NFYA: variants seen among roughly 807,000 people sequenced by gnomAD.
NFYA encodes CAAT-box DNA binding protein subunit A.
In NFYA, 28 loss-of-function variants were observed where a neutral mutation model predicts 52.8. That is an observed-to-expected ratio of 0.53 (90% CI 0.39 to 0.73). The LOEUF (loss-of-function observed/expected upper bound fraction) is 0.73. NFYA is among the 30% of genes least tolerant of loss of function. The pLI, the probability that NFYA is intolerant of heterozygous loss-of-function variation, is 0.00. For missense variants in NFYA, 234 were observed against 427.0 expected, an observed-to-expected ratio of 0.55 and a Z score of 3.98; for synonymous variants, 150 against 150.7, an observed-to-expected ratio of 1.00 and a Z score of 0.03.
Position 41,090,225 on chromosome 6 carries a change from C to G in NFYA, c.463C>G (p.Gln155Glu), listed in dbSNP as rs1764163714. Reference protein sequence around the residue: ...QTQTQQQIAVQGQQVAQTAEG... With the variant: ...QTQTQQQIAVEGQQVAQTAEG... ...CCAGACACAGCAGCAGATTGCTGTC[C>G]AGGGACAGCAAGTGGCACAGACTGC... Residue 155 changes from glutamine to glutamate, a missense_variant, in exon 6 of 10, where the codon CAG becomes GAG. Gln to Glu is a conservative substitution (Grantham distance 29, BLOSUM62 2). Around this residue, in one of 3 missense-constraint regions of NFYA, gnomAD observed 118 missense variants for 182.4 expected, o/e 0.65. Transcript: ENST00000341376. 1 of 1,613,334 alleles carries G rather than the reference C, an allele frequency of 6.2e-7. No individual in the cohort carries two copies. Among genetic ancestry groups the G allele is most frequent in the Non-Finnish European group, 8.5e-7 (1 of 1,179,466 alleles).
At chr6:41,076,253 A>C (rs1360321172) in intron 1 of NFYA, among the ~76,000 whole-genome samples, 1 of 152,174 alleles carries the variant, frequency 6.6e-6, no homozygotes, top group East Asian at 1.9e-4. Context: ...TAAAAGAAAA[A>C]AAAGAATAGA....
At chr6:41,083,564 T>G (rs1406230251) in intron 3 of NFYA, among the ~76,000 whole-genome samples, 2 of 152,200 alleles carry the variant, frequency 1.3e-5, no homozygotes, top group Non-Finnish European at 2.9e-5. Context: ...CAGAGCTGCT[T>G]GCTACCCAGC....
intron 8 of NFYA, among the ~76,000 whole-genome samples, chr6:41,093,423 T>G (rs1764247999): frequency 6.6e-6 from 1 of 152,104 alleles, no homozygotes; most frequent in Non-Finnish European, 1.5e-5. Context: ...CCAAGATTCC[T>G]GCTTAGGCTC....
At chr6:41,095,937 T>C (rs928401275) in intron 9 of NFYA, among the ~76,000 whole-genome samples, 4 of 152,202 alleles carry the variant, frequency 2.6e-5, no homozygotes, top group African/African-American at 9.7e-5. Context: ...AAGCAATCAG[T>C]GTTTCTTGAA....
chr6:41,081,337 A>G (rs910371662), intron 3 of NFYA, among the ~76,000 whole-genome samples: 1 of 152,122 alleles, frequency 6.6e-6, no homozygotes, highest in East Asian at 1.9e-4. Flanking sequence ...AAAATACAAA[A>G]AAATTAGCCG....
chr6:41,092,612 T>C (rs1282466542), intron 7 of NFYA, among the ~76,000 whole-genome samples: 1 of 152,224 alleles, frequency 6.6e-6, no homozygotes, highest in Non-Finnish European at 1.5e-5. Context: ...TTATGACTAC[T>C]GTTCCTGACC....
rs931685235 is a variant in NFYA at position 41,078,918 on chromosome 6, C to A, written c.-61-111C>A. The A allele has an allele frequency of 5.3e-5, 29 of 551,706 alleles. No individual in the cohort carries two copies. The Admixed American group carries it at 8.4e-4, about 16-fold the overall frequency. The allele number at this position is 551,706 out of a possible 1,614,324, so 34.2% of individuals were successfully genotyped here. ...CTGAATATAAGCATTTCCTATTCTC[C>A]TATCCTGTTTTCTTGCAAATAAAGT... On this transcript the variant is annotated intron_variant, in intron 1 of 9. Coordinates refer to ENST00000341376, the MANE Select transcript of NFYA (RefSeq NM_002505.5).
At chr6:41,077,001 G>A (rs1376307998) in intron 1 of NFYA, among the ~76,000 whole-genome samples, 2 of 152,096 alleles carry the variant, frequency 1.3e-5, no homozygotes, top group African/African-American at 2.4e-5. Context: ...TTTAAATATT[G>A]CTAAATTGGT....
At chr6:41,075,129 C>T (rs1763698320) in intron 1 of NFYA, 1 of 152,158 alleles carries the variant, frequency 6.6e-6, no homozygotes, top group South Asian at 2.1e-4. Context: ...TCCGCATTAG[C>T]AGATGAGATG....
rs577791035 is a variant in NFYA at position 41,101,603 on chromosome 6, C to T, written c.*4193C>T. Among the ~76,000 whole-genome samples the T allele has an allele frequency of 4.3e-4, 65 of 152,262 alleles. No individual in the cohort carries two copies. Among genetic ancestry groups the T allele is most frequent in the African/African-American group, 1.6e-3 (65 of 41,534 alleles). On this transcript the variant is annotated 3_prime_UTR_variant, in exon 10 of 10. Coordinates refer to ENST00000341376, the MANE Select transcript of NFYA (RefSeq NM_002505.5). ...CCGTAGCTATCTAGCAGCCACTCCG[C>T]GAGTCGTTCATTTAACAAATACTTA...
intron 9 of NFYA, among the ~76,000 whole-genome samples, chr6:41,096,674 G>A (rs1764365101): frequency 6.6e-6 from 1 of 152,158 alleles, no homozygotes; most frequent in Non-Finnish European, 1.5e-5. Context: ...CCTTGGTATG[G>A]GGGAACTAAA....
chr6:41,073,068 C>A lies in NFYA; in HGVS notation c.-78C>A, dbSNP rs1460834345. 6.5e-6 allele frequency: 1 copy of A among 153,938 alleles called. No homozygotes were observed. Among genetic ancestry groups the A allele is most frequent in the South Asian group, 1.8e-4 (1 of 5,632 alleles). 9.5% of individuals were successfully genotyped at this position (153,938 alleles called of 1,614,324 possible). ...GAGCCAATCAGCGCGGGCAGCGAAC[C>A]GGGGGAGCGAGGCACGGTGAGTGTG... is the stretch of plus-strand genomic sequence containing the variant. On this transcript the variant is annotated 5_prime_UTR_variant, in exon 1 of 10. Transcript: ENST00000341376.
intron 5 of NFYA, 81 bp from the exon 6 acceptor site, chr6:41,090,123 A>AT (rs202114917): frequency 0.081 from 61,296 of 756,426 alleles, no homozygotes; most frequent in East Asian, 0.1. Context: ...CAAAAAAATA[A>AT]TTTTTTTTTT....
chr6:41,100,914 C>A lies in NFYA; in HGVS notation c.*3504C>A, dbSNP rs1197085054. ...GAAGTCGCTTCCGATTGGCGTTGTC[C>A]CAAGGAAGCCTGCGCGGATTGATCG... On this transcript the variant is annotated 3_prime_UTR_variant, in exon 10 of 10. Transcript: ENST00000341376. 1 of 152,278 alleles carries A rather than the reference C, an allele frequency of 6.6e-6. No homozygotes were observed. The highest frequency in any genetic ancestry group is 2.4e-5 in the African/African-American group (1 of 41,474). 9.4% of individuals were successfully genotyped at this position (152,278 alleles called of 1,614,324 possible).
intron 4 of NFYA, among the ~76,000 whole-genome samples, chr6:41,087,905 A>G (rs967086286): frequency 6.6e-6 from 1 of 152,244 alleles, no homozygotes; most frequent in African/African-American, 2.4e-5. Flanking sequence ...AGATTTGGAT[A>G]GCACACGATC....
chr6:41,098,241 C>T lies in NFYA; in HGVS notation c.*831C>T, dbSNP rs1367763222. The stretch of plus-strand genomic sequence containing the variant: ...AGTAGAGAACAAGACTATTCAACAA[C>T]TTCTTTGCTGAAGCACTGAGGAGAT... On this transcript the variant is annotated 3_prime_UTR_variant, in exon 10 of 10. Coordinates refer to ENST00000341376, the MANE Select transcript of NFYA (RefSeq NM_002505.5). The T allele has an allele frequency of 1.3e-5, 2 of 152,590 alleles. No individual in the cohort carries two copies. The highest frequency in any genetic ancestry group is 2.9e-5 in the Non-Finnish European group (2 of 68,054). 9.5% of individuals were successfully genotyped at this position (152,590 alleles called of 1,614,324 possible).
intron 1 of NFYA, among the ~76,000 whole-genome samples, chr6:41,074,592 C>T (rs1251682052): frequency 2.6e-5 from 4 of 152,094 alleles, no homozygotes; most frequent in Non-Finnish European, 4.4e-5. Flanking sequence ...AAAGCATGTG[C>T]AGAGGAATCA....
rs1764446685 is a variant in NFYA at position 41,099,588 on chromosome 6, G to T, written c.*2178G>T. The T allele has an allele frequency of 6.6e-6, 1 of 152,142 alleles. No homozygotes were observed. The allele number at this position is 152,142 out of a possible 1,614,324, so 9.4% of individuals were successfully genotyped here. ...AGTGGGGGCAGGGTATTGACATTTG[G>T]ATTTTTTCTTTGATACTAGTTCTTT... On this transcript the variant is annotated 3_prime_UTR_variant, in exon 10 of 10. Transcript: ENST00000341376.
intron 4 of NFYA, among the ~76,000 whole-genome samples, chr6:41,086,041 C>T (rs1261627105): frequency 6.6e-6 from 1 of 152,164 alleles, no homozygotes; most frequent in Non-Finnish European, 1.5e-5. Context: ...ATATATGAGG[C>T]TTTAAATATC....
Sources: allele counts gnomAD v4.1 joint callset (sites outside exome capture counted in the v4.1 genomes callset), GRCh38; gene constraint gnomAD v4.1.1; regional missense constraint gnomAD v4.1.1; transcripts MANE v1.5; gene names NCBI Gene and HGNC (gene_info 2026-07-23, HGNC 2026-07-21).